GABRB3: variants seen among roughly 807,000 people sequenced by gnomAD.
The protein encoded by GABRB3 is gamma-aminobutyric acid type A receptor subunit beta3, also known as gamma-aminobutyric acid receptor subunit beta-3.
A neutral mutation model predicts 52.1 loss-of-function variants in GABRB3; 14 were observed. That is an observed-to-expected ratio of 0.27 (90% CI 0.18 to 0.42). The LOEUF (loss-of-function observed/expected upper bound fraction) is 0.42. GABRB3 is among the 10% of genes least tolerant of loss of function. The pLI, the probability that GABRB3 is intolerant of heterozygous loss-of-function variation, is 1.00. For missense variants in GABRB3, 307 were observed against 609.1 expected (o/e 0.50, Z 5.22); for synonymous variants, 260 against 232.3 (o/e 1.12, Z -1.08).
chr15:26,571,660 G>A (rs999487187), intron 6 of GABRB3, among the ~76,000 whole-genome samples: 3 of 152,106 alleles, frequency 2.0e-5, no homozygotes, highest in Admixed American at 6.5e-5. Flanking sequence ...TTGAAGAAGA[G>A]AATACGAAAC....
intron 3 of GABRB3, among the ~76,000 whole-genome samples, chr15:26,662,796 C>T (rs1194954330): frequency 6.6e-6 from 1 of 152,132 alleles, no homozygotes; most frequent in African/African-American, 2.4e-5. Flanking sequence ...AAAAGCATTA[C>T]CAGGAACACA....
chr15:26,663,240 G>A (rs1005986933), intron 3 of GABRB3, among the ~76,000 whole-genome samples: 1 of 152,142 alleles, frequency 6.6e-6, no homozygotes, highest in Non-Finnish European at 1.5e-5. Context: ...GGCAATGACT[G>A]ACGTATTCAA....
intron 4 of GABRB3, among the ~76,000 whole-genome samples, chr15:26,588,723 ACATTCT>A (rs1315157022): frequency 6.6e-6 from 1 of 152,210 alleles, no homozygotes; most frequent in Admixed American, 6.5e-5. Context: ...TATATTCATA[ACATTCT>A]CATTAGATAT....
intron 3 of GABRB3, among the ~76,000 whole-genome samples, chr15:26,652,597 T>G (rs906896660): frequency 6.6e-6 from 1 of 152,042 alleles, no homozygotes; most frequent in Non-Finnish European, 1.5e-5. Context: ...TAAATATATA[T>G]GTAGAAGTAT....
chr15:26,681,200 C>G (rs1436734799), intron 3 of GABRB3, among the ~76,000 whole-genome samples: 1 of 152,128 alleles, frequency 6.6e-6, no homozygotes, highest in East Asian at 1.9e-4. Flanking sequence ...ATCCTGGATT[C>G]CTTCCTCATT....
chr15:26,727,766 C>T (rs1889811307), intron 3 of GABRB3, among the ~76,000 whole-genome samples: 1 of 152,194 alleles, frequency 6.6e-6, no homozygotes, highest in Non-Finnish European at 1.5e-5. Flanking sequence ...ATATCATGAC[C>T]TCATGTGTTC....
chr15:26,646,328 G>A (rs1386948812), intron 3 of GABRB3, among the ~76,000 whole-genome samples: 1 of 152,156 alleles, frequency 6.6e-6, no homozygotes, highest in Non-Finnish European at 1.5e-5. Context: ...GGTATTTGGT[G>A]CCTGGCTTCT....
intron 3 of GABRB3, among the ~76,000 whole-genome samples, chr15:26,738,004 G>C (rs538551427): frequency 8.5e-4 from 129 of 152,158 alleles, no homozygotes; most frequent in Non-Finnish European, 1.5e-3. Flanking sequence ...ATTGCTGGAA[G>C]AGAAATTACT....
intron 3 of GABRB3, among the ~76,000 whole-genome samples, chr15:26,718,620 A>G (rs758421740): frequency 1.1e-4 from 16 of 151,814 alleles, no homozygotes; most frequent in Non-Finnish European, 2.4e-4. Flanking sequence ...TTTTCTTATT[A>G]TACTCTCGTC....
intron 3 of GABRB3, among the ~76,000 whole-genome samples, chr15:26,711,021 C>G (rs1221545021): frequency 6.6e-6 from 1 of 151,792 alleles, no homozygotes; most frequent in East Asian, 1.9e-4. Flanking sequence ...TGGAAGTAGT[C>G]TGAAAATACC....
chr15:26,760,489 T>C (rs1890784958), intron 3 of GABRB3, among the ~76,000 whole-genome samples: 1 of 152,128 alleles, frequency 6.6e-6, no homozygotes, highest in Admixed American at 6.5e-5. Context: ...AAAGGCAAAA[T>C]ACCCTGAAGT....
chr15:26,696,228 C>T (rs1255842826), intron 3 of GABRB3, among the ~76,000 whole-genome samples: 1 of 152,150 alleles, frequency 6.6e-6, no homozygotes. Context: ...CACTCTGTCA[C>T]ATACTTTATT....
intron 3 of GABRB3, among the ~76,000 whole-genome samples, chr15:26,725,977 A>G (rs1889760783): frequency 2.0e-5 from 3 of 152,322 alleles, no homozygotes; most frequent in Admixed American, 1.3e-4. Flanking sequence ...CCCATGTGGG[A>G]ACCTGCTTTG....
chr15:26,644,472 G>A (rs1435966115), intron 3 of GABRB3, among the ~76,000 whole-genome samples: 1 of 152,192 alleles, frequency 6.6e-6, no homozygotes, highest in African/African-American at 2.4e-5. Context: ...TCAGGGTGAT[G>A]TTTGTACAAG....
At chr15:26,588,001 CT>C (rs1891057808) in intron 4 of GABRB3, among the ~76,000 whole-genome samples, 1 of 151,696 alleles carries the variant, frequency 6.6e-6, no homozygotes, top group South Asian at 2.1e-4. Flanking sequence ...CCTTTTTTTT[CT>C]TTCGATTGTT....
intron 3 of GABRB3, among the ~76,000 whole-genome samples, chr15:26,757,913 G>T (rs553467151): frequency 6.6e-6 from 1 of 152,272 alleles, no homozygotes; most frequent in East Asian, 1.9e-4. Flanking sequence ...ATCAAAACTA[G>T]TGTTTTGCCA....
intron 4 of GABRB3, among the ~76,000 whole-genome samples, chr15:26,620,890 G>A (rs565747323): frequency 1.3e-5 from 2 of 152,238 alleles, no homozygotes; most frequent in Middle Eastern, 3.4e-3. Flanking sequence ...CCTCAATAAA[G>A]CTCCGTAGAG....
chr15:26,772,056 C>T, intron 3 of GABRB3: 1 of 257,314 alleles, frequency 3.9e-6, no homozygotes, highest in Non-Finnish European at 7.2e-6. Flanking sequence ...GCGCCTGTTG[C>T]TAAGGAGGCG....
At chr15:26,679,751 C>T (rs969212410) in intron 3 of GABRB3, among the ~76,000 whole-genome samples, 8 of 152,068 alleles carry the variant, frequency 5.3e-5, no homozygotes, top group Non-Finnish European at 8.8e-5. Context: ...AGCAGGGCAA[C>T]TTGCTCTTCC....
Sources: gnomAD v4.1 joint callset for allele counts (sites outside exome capture counted in the v4.1 genomes callset) on GRCh38, gnomAD v4.1.1 for gene constraint, MANE v1.5 for transcripts, NCBI Gene and HGNC (gene_info 2026-07-23, HGNC 2026-07-21) for gene names.